LRRK2: variants seen among roughly 807,000 people sequenced by gnomAD.
LRRK2 encodes leucine rich repeat kinase 2, also known as leucine-rich repeat serine/threonine-protein kinase 2.
In LRRK2, 203 loss-of-function variants were observed where a neutral mutation model predicts 302.6. That is an observed-to-expected ratio of 0.67 (90% CI 0.60 to 0.75). The LOEUF (loss-of-function observed/expected upper bound fraction) is 0.75. LRRK2 is among the 30% of genes least tolerant of loss of function. The pLI is 0.00. For missense variants in LRRK2, 2,830 were observed against 2,951.0 expected, an observed-to-expected ratio of 0.96 and a Z score of 0.95; for synonymous variants, 1,066 against 1,031.9, an observed-to-expected ratio of 1.03 and a Z score of -0.63.
chr12:40,362,558 C>G (rs1351303133), intron 47 of LRRK2, among the ~76,000 whole-genome samples: 1 of 151,892 alleles, frequency 6.6e-6, no homozygotes, highest in Non-Finnish European at 1.5e-5. Flanking sequence ...GAGGGATGCA[C>G]TAATAAAGAC....
intron 2 of LRRK2, among the ~76,000 whole-genome samples, chr12:40,230,731 A>G (rs1408376083): frequency 1.4e-5 from 2 of 147,636 alleles, no homozygotes; most frequent in African/African-American, 5.0e-5. Flanking sequence ...TGAATTGGAG[A>G]TCCTTTACAT....
At chr12:40,366,013 G>T (rs1473813513) in intron 49 of LRRK2, 4 of 151,888 alleles carry the variant, frequency 2.6e-5, no homozygotes, top group Non-Finnish European at 5.9e-5. Flanking sequence ...GACCCAAATA[G>T]CTTGCTTATA....
Position 40,294,841 on chromosome 12 carries a change from A to G in LRRK2, c.2809-4A>G. On this transcript the variant is annotated splice_polypyrimidine_tract_variant and splice_region_variant and intron_variant, in intron 21 of 50. Transcript: ENST00000298910. ...CAATTTTATTATAAATTATTTTTTAATAGGGGCCCATTTTTGATCATGAAG... is the reference window on the plus strand; with the variant it reads ...CAATTTTATTATAAATTATTTTTTAGTAGGGGCCCATTTTTGATCATGAAG... 1 of 1,495,666 alleles carries G rather than the reference A, an allele frequency of 6.7e-7. No individual in the cohort carries two copies. Among genetic ancestry groups the G allele is most frequent in the Non-Finnish European group, 9.3e-7 (1 of 1,077,978 alleles). The allele number at this position is 1,495,666 out of a possible 1,614,324, so 92.6% of individuals were successfully genotyped here.
intron 25 of LRRK2, among the ~76,000 whole-genome samples, chr12:40,300,656 A>T (rs1010036726): frequency 6.6e-6 from 1 of 152,112 alleles, no homozygotes; most frequent in Non-Finnish European, 1.5e-5. Flanking sequence ...TGATCTTGAA[A>T]CTGGGGATAG....
intron 7 of LRRK2, among the ~76,000 whole-genome samples, chr12:40,245,557 C>G (rs1489320505): frequency 6.6e-6 from 1 of 152,012 alleles, no homozygotes; most frequent in Admixed American, 6.6e-5. Context: ...ATGCAAATTA[C>G]AGGATTAACT....
intron 44 of LRRK2, among the ~76,000 whole-genome samples, chr12:40,353,868 C>T (rs1003606366): frequency 3.3e-5 from 5 of 152,226 alleles, no homozygotes; most frequent in African/African-American, 1.2e-4. Flanking sequence ...CCTGCAATGG[C>T]AGGCACTCTG....
intron 39 of LRRK2, among the ~76,000 whole-genome samples, chr12:40,334,349 A>G (rs1347364034): frequency 1.3e-5 from 2 of 152,232 alleles, no homozygotes; most frequent in African/African-American, 4.8e-5. Flanking sequence ...TTGACCCTTG[A>G]AAAACATAAA....
At chr12:40,315,788 T>A (rs531744920) in intron 33 of LRRK2, among the ~76,000 whole-genome samples, 30 of 128,426 alleles carry the variant, frequency 2.3e-4, no homozygotes, top group African/African-American at 8.9e-4. Context: ...TTTTTTCTTA[T>A]ATTTCACATG....
rs532351936 is a variant in LRRK2 at position 40,291,346 on chromosome 12, T to A, written c.2690-2199T>A. ...CTAATGTAAATGAGGAGTTAATGGG[T>A]GCAGCACACCAGCATGGCACATGTA... is the stretch of plus-strand genomic sequence containing the variant. On this transcript the variant is annotated intron_variant, in intron 20 of 50. Coordinates refer to ENST00000298910, the MANE Select transcript of LRRK2 (RefSeq NM_198578.4). Among the ~76,000 whole-genome samples, 146 of 151,736 alleles carry A rather than the reference T, an allele frequency of 9.6e-4. 2 individuals carry two copies. Among genetic ancestry groups the A allele is most frequent in the African/African-American group, 3.5e-3 (145 of 41,406 alleles).
chr12:40,272,813 G>A lies in LRRK2; in HGVS notation c.1657-1770G>A, dbSNP rs541528976. Among the ~76,000 whole-genome samples the A allele has an allele frequency of 5.3e-5, 8 of 152,208 alleles. No individual in the cohort carries two copies. In the East Asian group the frequency reaches 7.7e-4, roughly 15 times the overall value. The stretch of plus-strand genomic sequence containing the variant: ...GAATGGTTCAAATTCAGAATAATAA[G>A]GAAAGAAGTCTGATTATACGAAATT... On this transcript the variant is annotated intron_variant, in intron 14 of 50. Coordinates refer to ENST00000298910, the MANE Select transcript of LRRK2 (RefSeq NM_198578.4).
At chr12:40,347,518 G>A (rs945095605) in intron 42 of LRRK2, among the ~76,000 whole-genome samples, 1 of 152,100 alleles carries the variant, frequency 6.6e-6, no homozygotes, top group Admixed American at 6.5e-5. Context: ...ATACTTTTGA[G>A]TGTACACAAT....
At chr12:40,305,717 C>T (rs1314924712) in intron 27 of LRRK2, 68 bp from the exon 28 acceptor site, 7 of 1,366,160 alleles carry the variant, frequency 5.1e-6, no homozygotes, top group Non-Finnish European at 7.3e-6. Flanking sequence ...TGTTTCTTAT[C>T]ACGTTTTTTG....
chr12:40,269,558 A>G (rs1016484472), intron 14 of LRRK2, among the ~76,000 whole-genome samples: 1 of 152,124 alleles, frequency 6.6e-6, no homozygotes, highest in South Asian at 2.1e-4. Context: ...GGAACTTATT[A>G]TTTTTGCACC....
At chr12:40,296,849 C>A (rs1273912918) in intron 23 of LRRK2, among the ~76,000 whole-genome samples, 1 of 152,112 alleles carries the variant, frequency 6.6e-6, no homozygotes, top group Non-Finnish European at 1.5e-5. Context: ...GTCTTTCTCT[C>A]TTCTCCACTT....
In LRRK2 at chr12:40,323,236, T is replaced by A. The variant is rs769052083; in HGVS notation, c.5586T>A (p.Ala1862=). ...AGATTGCCCCTGACTTGATTTTGGC[T>A]GACCTGCCTAGAAATATTATGTTGA... ...ISQIAPDLIL[A]DLPRNIMLNN... is the part of the protein sequence containing the mutation. Residue 1862 remains alanine, a synonymous_variant, in exon 38 of 51, where the codon GCT becomes GCA. Transcript: ENST00000298910. The A allele has an allele frequency of 1.2e-6, 2 of 1,613,388 alleles. No individual in the cohort carries two copies. The highest frequency in any genetic ancestry group is 1.1e-5 in the South Asian group (1 of 91,040).
Position 40,310,591 on chromosome 12 carries a change from A to T in LRRK2, c.4478A>T (p.Glu1493Val), listed in dbSNP as rs763667610. Residue 1493 changes from glutamate to valine, a missense_variant, in exon 31 of 51, where the codon GAA (glutamate) becomes GTA (valine). Coordinates refer to ENST00000298910, the MANE Select transcript of LRRK2 (RefSeq NM_198578.4). Reference protein sequence around the residue: ...RDYHFVNATEESDALAKLRKT... With the variant: ...RDYHFVNATEVSDALAKLRKT... Reference sequence around the variant, plus strand: ...TACCACTTTGTGAATGCCACCGAGGAATCTGATGCTTTGGCAAAACTTCGG... The same window carrying T: ...TACCACTTTGTGAATGCCACCGAGGTATCTGATGCTTTGGCAAAACTTCGG... 1.9e-6 allele frequency: 3 copies of T among 1,612,548 alleles called. No homozygotes were observed.
chr12:40,240,413 G>T, intron 5 of LRRK2, 70 bp from the exon 6 acceptor site: 4 of 1,387,594 alleles, frequency 2.9e-6, no homozygotes, highest in Non-Finnish European at 4.1e-6. Flanking sequence ...AATGAATATT[G>T]TAATTTTTGA....
chr12:40,339,053 A>T (rs1945956986), intron 40 of LRRK2, among the ~76,000 whole-genome samples: 1 of 152,202 alleles, frequency 6.6e-6, no homozygotes, highest in Non-Finnish European at 1.5e-5. Flanking sequence ...GAGAATCTTC[A>T]GCTGTATTAG....
intron 14 of LRRK2, among the ~76,000 whole-genome samples, chr12:40,266,791 G>T (rs1330389864): frequency 1.3e-5 from 2 of 151,950 alleles, no homozygotes; most frequent in African/African-American, 2.4e-5. Flanking sequence ...AGAAAATGTG[G>T]CACATATACA....
Sources: gnomAD v4.1 joint callset for allele counts (sites outside exome capture counted in the v4.1 genomes callset) on GRCh38, gnomAD v4.1.1 for gene constraint, MANE v1.5 for transcripts, NCBI Gene and HGNC (gene_info 2026-07-23, HGNC 2026-07-21) for gene names.